Variants in UNC5D observed in about 807,000 individuals in gnomAD.
UNC5D encodes unc-5 netrin receptor D, also known as netrin receptor UNC5D.
Under a neutral mutation model 105.4 loss-of-function variants are expected in UNC5D, and 39 were observed. The ratio of observed to expected loss-of-function variants is 0.37; its 90% CI spans 0.29 to 0.48. UNC5D has a LOEUF of 0.48. UNC5D is among the 20% of genes least tolerant of loss of function. The pLI, the probability that UNC5D is intolerant of heterozygous loss-of-function variation, is 0.98. For synonymous variants in UNC5D, 452 were observed against 450.4 expected (o/e 1.00, Z -0.04); for missense variants, 991 against 1,202.4 (o/e 0.82, Z 2.60).
At chr8:35,377,826 T>G (rs1802789036) in intron 1 of UNC5D, among the ~76,000 whole-genome samples, 1 of 152,210 alleles carries the variant, frequency 6.6e-6, no homozygotes, top group Non-Finnish European at 1.5e-5. Context: ...AGTCATTTGA[T>G]TTGCTTTATG....
chr8:35,782,406 C>T lies in UNC5D; in HGVS notation c.2657+7929C>T, dbSNP rs560246588. On this transcript the variant is annotated intron_variant, in intron 16 of 16. Transcript: ENST00000404895. The stretch of plus-strand genomic sequence containing the variant: ...CTATGTTTCAATTCCCTATCTGGTG[C>T]TATATAGTAGGATTATACACTGTAA... Among the ~76,000 whole-genome samples the T allele has an allele frequency of 3.0e-4, 46 of 152,066 alleles. No individual in the cohort carries two copies. In the South Asian group the frequency reaches 8.9e-3, roughly 29 times the overall value.
intron 3 of UNC5D, among the ~76,000 whole-genome samples, chr8:35,592,854 C>T (rs1819254791): frequency 6.6e-6 from 1 of 152,038 alleles, no homozygotes; most frequent in African/African-American, 2.4e-5. Context: ...TTTTTATGTA[C>T]ACCTTTGGGA....
At chr8:35,468,740 G>C (rs1809491863) in intron 1 of UNC5D, among the ~76,000 whole-genome samples, 1 of 152,192 alleles carries the variant, frequency 6.6e-6, no homozygotes, top group African/African-American at 2.4e-5. Flanking sequence ...AGTGATTGCA[G>C]TCACATTTTG....
At chr8:35,253,473 C>CTTTTTT (rs58063448) in intron 1 of UNC5D, among the ~76,000 whole-genome samples, 13 of 99,852 alleles carry the variant, frequency 1.3e-4, no homozygotes, top group African/African-American at 1.9e-4. Flanking sequence ...ATTTTATTTC[C>CTTTTTT]TTTTTTTTTT....
intron 1 of UNC5D, among the ~76,000 whole-genome samples, chr8:35,449,256 G>C (rs1420523715): frequency 6.6e-6 from 1 of 152,104 alleles, no homozygotes; most frequent in Non-Finnish European, 1.5e-5. Context: ...CTACTGAGTT[G>C]AACTGCTCAC....
intron 4 of UNC5D, among the ~76,000 whole-genome samples, chr8:35,599,225 G>A (rs1157516236): frequency 1.3e-5 from 2 of 151,626 alleles, no homozygotes; most frequent in African/African-American, 2.4e-5. Context: ...CGGAGATGGG[G>A]AGAGGTTGAG....
At chr8:35,269,051 G>T (rs1046836775) in intron 1 of UNC5D, among the ~76,000 whole-genome samples, 2 of 152,074 alleles carry the variant, frequency 1.3e-5, no homozygotes, top group Non-Finnish European at 2.9e-5. Flanking sequence ...AACTAGAAGA[G>T]AATATTTAAA....
chr8:35,620,346 T>A (rs537406736), intron 4 of UNC5D, among the ~76,000 whole-genome samples: 2 of 152,080 alleles, frequency 1.3e-5, no homozygotes, highest in East Asian at 3.9e-4. Flanking sequence ...CAAAGGAGAG[T>A]TGAGTTTTGT....
Position 35,235,475 on chromosome 8 carries a change from C to G in UNC5D, c.-310C>G, listed in dbSNP as rs1383220516. Reference sequence around the variant, plus strand: ...AGCGATGCGGACTCTCGCCTCCGCTCCGTAGTTCGGGGCCCGGCAGCGGCG... The same window carrying G: ...AGCGATGCGGACTCTCGCCTCCGCTGCGTAGTTCGGGGCCCGGCAGCGGCG... On this transcript the variant is annotated 5_prime_UTR_variant, in exon 1 of 17. Transcript: ENST00000404895. 3.8e-6 allele frequency: 1 copy of G among 261,148 alleles called. No individual in the cohort carries two copies. The highest frequency in any genetic ancestry group is 5.4e-5 in the Admixed American group (1 of 18,356). The allele number at this position is 261,148 out of a possible 1,614,324, so 16.2% of individuals were successfully genotyped here. A position where few individuals can be genotyped will look rare whatever the true frequency, so the allele number is the denominator to read the frequency against.
intron 4 of UNC5D, among the ~76,000 whole-genome samples, chr8:35,601,777 T>A (rs1819902916): frequency 6.6e-6 from 1 of 152,182 alleles, no homozygotes; most frequent in Admixed American, 6.5e-5. Flanking sequence ...TTTTCCTAAT[T>A]GAATGCCCTT....
At chr8:35,338,876 G>A (rs1811249023) in intron 1 of UNC5D, among the ~76,000 whole-genome samples, 2 of 152,014 alleles carry the variant, frequency 1.3e-5, no homozygotes, top group South Asian at 4.2e-4. Flanking sequence ...GCCCTTGAAA[G>A]CTACTAGATA....
chr8:35,351,101 A>C (rs1016628792), intron 1 of UNC5D, among the ~76,000 whole-genome samples: 3 of 152,064 alleles, frequency 2.0e-5, no homozygotes, highest in Admixed American at 2.0e-4. Flanking sequence ...ATAAGCAGAC[A>C]AGCTTAAAAC....
chr8:35,541,140 C>A (rs1815244729), intron 1 of UNC5D, among the ~76,000 whole-genome samples: 1 of 152,066 alleles, frequency 6.6e-6, no homozygotes, highest in African/African-American at 2.4e-5. Flanking sequence ...GTCCTTGAAC[C>A]AAAATAGGTT....
chr8:35,277,325 T>C (rs924530989), intron 1 of UNC5D, among the ~76,000 whole-genome samples: 9 of 152,204 alleles, frequency 5.9e-5, no homozygotes, highest in African/African-American at 2.2e-4. Context: ...GAATATATCC[T>C]TAGGGCAGTT....
At chr8:35,288,084 G>A (rs544556497) in intron 1 of UNC5D, among the ~76,000 whole-genome samples, 4 of 137,170 alleles carry the variant, frequency 2.9e-5, no homozygotes, top group Non-Finnish European at 6.3e-5. Context: ...CAAATCTGGA[G>A]ACAGATAATC....
chr8:35,562,491 A>G (rs1200867556), intron 2 of UNC5D, among the ~76,000 whole-genome samples: 2 of 151,980 alleles, frequency 1.3e-5, no homozygotes, highest in East Asian at 1.9e-4. Flanking sequence ...TCTCTCTAGC[A>G]CCTATCTTTT....
At chr8:35,543,620 GA>G (rs1309049079) in intron 1 of UNC5D, among the ~76,000 whole-genome samples, 1 of 151,534 alleles carries the variant, frequency 6.6e-6, no homozygotes, top group East Asian at 1.9e-4. Context: ...ATGAAACACA[GA>G]AAAATTCTTA....
intron 1 of UNC5D, among the ~76,000 whole-genome samples, chr8:35,295,650 C>T (rs1807427191): frequency 1.3e-5 from 2 of 152,176 alleles, no homozygotes; most frequent in Admixed American, 1.3e-4. Context: ...TTAATACATC[C>T]ATCACCTTGC....
chr8:35,658,737 C>T (rs188740319), intron 4 of UNC5D, among the ~76,000 whole-genome samples: 3 of 150,988 alleles, frequency 2.0e-5, no homozygotes, highest in East Asian at 2.0e-4. Context: ...CTGCAAGCTC[C>T]GCCTCCTGGG....
Sources: allele counts gnomAD v4.1 joint callset (sites outside exome capture counted in the v4.1 genomes callset), GRCh38; gene constraint gnomAD v4.1.1; transcripts MANE v1.5; gene names NCBI Gene and HGNC (gene_info 2026-07-23, HGNC 2026-07-21).